Variants in ACTN1 observed in about 807,000 individuals in gnomAD.
ACTN1 encodes actinin alpha 1, also known as alpha-actinin-1.
In ACTN1, 30 loss-of-function variants were observed where a neutral mutation model predicts 119.6. That is an observed-to-expected ratio of 0.25 (90% CI 0.19 to 0.34). ACTN1 has a LOEUF of 0.34. Ranked by LOEUF, ACTN1 falls within the 10% of genes least tolerant of loss-of-function variation. The pLI, the probability that ACTN1 is intolerant of heterozygous loss-of-function variation, is 1.00. For synonymous variants in ACTN1, 429 were observed against 472.6 expected (o/e 0.91, Z 1.20); for missense variants, 764 against 1,223.4 (o/e 0.62, Z 5.60).
At chr14:68,884,065 T>C (rs918606545) in intron 14 of ACTN1, 103 bp downstream of exon 14, 2 of 1,241,732 alleles carry the variant, frequency 1.6e-6, no homozygotes, top group Admixed American at 2.8e-5. Context: ...ATAAAATCCT[T>C]AGGATGCTCT....
At position 68,887,578 on chromosome 14, in the gene ACTN1, C is replaced by T. The variant is rs200843488; in HGVS notation, c.1235-2003G>A. 4.3e-4 allele frequency: 596 copies of T among 1,381,884 alleles called. 2 individuals are homozygous for T. The highest frequency in any genetic ancestry group is 5.2e-4 in the Non-Finnish European group (546 of 1,040,298). The allele number at this position is 1,381,884 out of a possible 1,614,324, so 85.6% of individuals were successfully genotyped here. On this transcript the variant is annotated intron_variant, in intron 11 of 21. Transcript: ENST00000394419. The stretch of plus-strand genomic sequence containing the variant: ...ATCCCACACTATTTTCTGGTTGTAC[C>T]AAAAAATAAACAATCAGCAAATGAT...
chr14:68,940,400 C>A (rs1024171697), intron 1 of ACTN1, among the ~76,000 whole-genome samples: 6 of 152,142 alleles, frequency 3.9e-5, no homozygotes, highest in African/African-American at 1.4e-4. Context: ...TAACTTGACC[C>A]CTCCATGTAG....
rs116302113 is a variant in ACTN1 at position 68,900,070 on chromosome 14, G to A, written c.762+2407C>T. Among the ~76,000 whole-genome samples, 550 of 152,206 alleles carry A rather than the reference G, an allele frequency of 3.6e-3. 8 individuals are homozygous for A. The highest frequency in any genetic ancestry group is 0.014 in the Middle Eastern group (4 of 294). On this transcript the variant is annotated intron_variant, in intron 8 of 21. Coordinates refer to ENST00000394419, the MANE Select transcript of ACTN1 (RefSeq NM_001130004.2). ...TACCTATGAGAAACAGCCTCCAGAC[G>A]GGGCTGGTCTCCTGTCTCTGGCCCG...
intron 1 of ACTN1, among the ~76,000 whole-genome samples, chr14:68,943,268 G>T (rs2035825383): frequency 6.6e-6 from 1 of 152,206 alleles, no homozygotes; most frequent in Non-Finnish European, 1.5e-5. Flanking sequence ...GAATGTGTCT[G>T]TGGGAACTTC....
chr14:68,875,334 G>C (rs1037544418), intron 21 of ACTN1, among the ~76,000 whole-genome samples: 15 of 152,216 alleles, frequency 9.9e-5, no homozygotes, highest in Non-Finnish European at 1.9e-4. Flanking sequence ...TTGCGTGCTG[G>C]AGCAGTATCA....
chr14:68,907,880 G>A (rs1394624784), intron 6 of ACTN1, among the ~76,000 whole-genome samples: 1 of 152,180 alleles, frequency 6.6e-6, no homozygotes, highest in Admixed American at 6.5e-5. Context: ...GTGCACACCT[G>A]TCACCAAAGC....
At chr14:68,942,183 C>A (rs906703060) in intron 1 of ACTN1, among the ~76,000 whole-genome samples, 2 of 151,210 alleles carry the variant, frequency 1.3e-5, no homozygotes, top group Non-Finnish European at 2.9e-5. Context: ...CCTGCAGGAA[C>A]CTACGCAACA....
At chr14:68,931,831 C>A (rs1422799705) in intron 1 of ACTN1, among the ~76,000 whole-genome samples, 1 of 152,128 alleles carries the variant, frequency 6.6e-6, no homozygotes, top group Non-Finnish European at 1.5e-5. Flanking sequence ...TAATAAAGAA[C>A]AGACCACAAG....
At chr14:68,978,132 G>GT in intron 1 of ACTN1, 1 of 455,788 alleles carries the variant, frequency 2.2e-6, no homozygotes, top group Non-Finnish European at 4.4e-6. Flanking sequence ...CCGTGGCTAA[G>GT]TAGGGATCCC....
intron 1 of ACTN1, among the ~76,000 whole-genome samples, chr14:68,969,061 C>A (rs1268927327): frequency 6.6e-6 from 1 of 152,216 alleles, no homozygotes; most frequent in Non-Finnish European, 1.5e-5. Context: ...GCCAAGCAGA[C>A]TCAGTGAGGG....
chr14:68,970,781 A>G (rs1343309754), intron 1 of ACTN1, among the ~76,000 whole-genome samples: 5 of 152,148 alleles, frequency 3.3e-5, no homozygotes, highest in Admixed American at 2.6e-4. Context: ...TACCTTTAAA[A>G]CCAAGAAAAG....
Position 68,925,550 on chromosome 14 carries a change from C to T in ACTN1, c.220+8G>A, listed in dbSNP as rs768482934. The T allele has an allele frequency of 1.7e-5, 28 of 1,608,640 alleles. No individual in the cohort carries two copies. The highest frequency in any genetic ancestry group is 4.5e-5 in the East Asian group (2 of 44,738). ...CAGTATCTCGTCCTGGGCCAGGTTC[C>T]GCCTCACCTGAGATGACCTCCAGCA... On this transcript the variant is annotated splice_region_variant and intron_variant, in intron 2 of 21. Transcript: ENST00000394419. The surrounding 1 kb of genome is among the most constrained non-coding windows in gnomAD (Gnocchi z 4.3).
intron 11 of ACTN1, 117 bp downstream of exon 11, chr14:68,890,022 T>C (rs2032349382): frequency 1.4e-6 from 2 of 1,454,624 alleles, no homozygotes; most frequent in East Asian, 2.5e-5. Flanking sequence ...GCCATGGAAC[T>C]AGTAAGAGAC....
chr14:68,918,723 A>G (rs1280015017), intron 3 of ACTN1, among the ~76,000 whole-genome samples: 1 of 148,794 alleles, frequency 6.7e-6, no homozygotes, highest in South Asian at 2.2e-4. Flanking sequence ...GTGAAATCCC[A>G]TCTCTACTAA....
In ACTN1 at chr14:68,925,753, G is replaced by A. The variant is rs1566644486; in HGVS notation, c.106-81C>T. 2.6e-6 allele frequency: 3 copies of A among 1,165,202 alleles called. No homozygotes were observed. The highest frequency in any genetic ancestry group is 3.1e-5 in the African/African-American group (2 of 65,282). 72.2% of individuals were successfully genotyped at this position (1,165,202 alleles called of 1,614,324 possible). On this transcript the variant is annotated intron_variant, in intron 1 of 21. Coordinates refer to ENST00000394419, the MANE Select transcript of ACTN1 (RefSeq NM_001130004.2). This position sits in a 1 kb window ranked among gnomAD's most constrained non-coding sequence, Gnocchi z 4.3. Reference sequence around the variant, plus strand: ...GGACAAGCCATTTAATGGTGCCAGGGGGTGGGAGGTGGACACCTACTCAGC... The same window carrying A: ...GGACAAGCCATTTAATGGTGCCAGGAGGTGGGAGGTGGACACCTACTCAGC...
At chr14:68,954,669 A>T (rs113927213) in intron 1 of ACTN1, among the ~76,000 whole-genome samples, 3 of 152,128 alleles carry the variant, frequency 2.0e-5, no homozygotes, top group African/African-American at 7.2e-5. Flanking sequence ...TCAGCTGGAC[A>T]GTTTCCTTAG....
At chr14:68,931,675 T>C (rs1295074587) in intron 1 of ACTN1, among the ~76,000 whole-genome samples, 3 of 152,122 alleles carry the variant, frequency 2.0e-5, no homozygotes, top group Admixed American at 6.5e-5. Context: ...GGGATGGTAA[T>C]AGAACCACCT....
intron 1 of ACTN1, among the ~76,000 whole-genome samples, chr14:68,966,738 A>G (rs2036719897): frequency 6.6e-6 from 1 of 152,166 alleles, no homozygotes; most frequent in South Asian, 2.1e-4. Context: ...CTGACGTCCA[A>G]CACTCCAGAG....
intron 9 of ACTN1, among the ~76,000 whole-genome samples, chr14:68,892,761 G>A (rs2032590600): frequency 6.6e-6 from 1 of 152,168 alleles, no homozygotes; most frequent in African/African-American, 2.4e-5. Flanking sequence ...CTTCTGGGCA[G>A]AGAGCTGGCC....
Sources: allele counts gnomAD v4.1 joint callset (sites outside exome capture counted in the v4.1 genomes callset), GRCh38; gene constraint gnomAD v4.1.1; non-coding constraint Gnocchi (gnomAD v3.1); transcripts MANE v1.5; gene names NCBI Gene and HGNC (gene_info 2026-07-23, HGNC 2026-07-21).